Variants in MEGF6 observed in about 807,000 individuals in gnomAD.
MEGF6 encodes multiple EGF like domains 6, also known as multiple epidermal growth factor-like domains protein 6.
In MEGF6, 184 loss-of-function variants were observed where a neutral mutation model predicts 207.1. The ratio of observed to expected loss-of-function variants is 0.89; its 90% CI spans 0.79 to 1.00. The LOEUF (loss-of-function observed/expected upper bound fraction) is 1.00, where lower values mean the gene tolerates loss of function less well. Among genes scored for constraint, MEGF6 ranks in the 50% least tolerant of loss-of-function variants. The probability of loss-of-function intolerance (pLI) is 0.00; values close to 1 mark genes in which losing one functional copy is unlikely to be tolerated. For missense variants in MEGF6, 2,282 were observed against 2,202.9 expected, an observed-to-expected ratio of 1.04 and a Z score of -0.72; for synonymous variants, 1,038 against 910.0, an observed-to-expected ratio of 1.14 and a Z score of -2.53.
chr1:3,500,908 TC>T, intron 20 of MEGF6, 57 bp downstream of exon 20: 1 of 1,609,230 alleles, frequency 6.2e-7, no homozygotes, highest in Non-Finnish European at 8.5e-7. Context: ...CAGAGGCCTC[TC>T]CAGGGGCTAG....
At chr1:3,511,973 G>T in intron 8 of MEGF6, 33 bp downstream of exon 8, 2 of 1,611,136 alleles carry the variant, frequency 1.2e-6, no homozygotes, top group Non-Finnish European at 1.7e-6. Context: ...GCCATCCCGG[G>T]CACCTTCAGC....
intron 1 of MEGF6, among the ~76,000 whole-genome samples, chr1:3,609,290 C>T (rs1000920614): frequency 2.6e-5 from 4 of 152,220 alleles, no homozygotes; most frequent in African/African-American, 4.8e-5. Flanking sequence ...CACTCCACAG[C>T]CCAGTGGGGA....
At chr1:3,527,698 C>T (rs1570059550) in intron 4 of MEGF6, among the ~76,000 whole-genome samples, 1 of 152,240 alleles carries the variant, frequency 6.6e-6, no homozygotes, top group Non-Finnish European at 1.5e-5. Flanking sequence ...CAGACTCATG[C>T]CCACTGGGCA....
rs185295184 is a variant in MEGF6 at position 3,563,419 on chromosome 1, T to A, written c.481+16406A>T. 3.9e-5 allele frequency among the ~76,000 whole-genome samples: 6 copies of A among 152,056 alleles called. No homozygotes were observed. The East Asian group carries it at 7.8e-4, about 20-fold the overall frequency. On this transcript the variant is annotated intron_variant, in intron 4 of 36. Transcript: ENST00000356575. ...GACCAGGCCACGCCCCAGCTATAGGTCCGTCCCCTCGTCGTAGCTGGAGTC... is the reference window on the plus strand; with the variant it reads ...GACCAGGCCACGCCCCAGCTATAGGACCGTCCCCTCGTCGTAGCTGGAGTC...
In MEGF6 at chr1:3,505,341, C is replaced by T. The variant is rs764264162; in HGVS notation, c.2055G>A (p.Glu685=). 1.7e-5 allele frequency: 28 copies of T among 1,610,466 alleles called. No individual in the cohort carries two copies. Among genetic ancestry groups the T allele is most frequent in the Admixed American group, 1.3e-4 (8 of 59,676 alleles). The change falls in exon 17 of 37, where the codon GAG becomes GAA. Residue 685 remains glutamate (E), a splice_region_variant and synonymous_variant. Transcript: ENST00000356575. ...CCGGCCCAAAGTAGCCCAGCTCACA[C>T]TCTGCAGGGCGTGAGAGAGGGGTGG... The part of the protein sequence containing the change: ...AGFRGERCQA[E]CELGYFGPGC...
At chr1:3,598,679 C>T (rs1387093054) in intron 2 of MEGF6, among the ~76,000 whole-genome samples, 1 of 149,772 alleles carries the variant, frequency 6.7e-6, no homozygotes, top group Non-Finnish European at 1.5e-5. Flanking sequence ...CGCTGGGGAG[C>T]TGGTTCACGC....
At chr1:3,505,186 GC>G in intron 17 of MEGF6, 21 bp downstream of exon 17, 1 of 1,608,396 alleles carries the variant, frequency 6.2e-7, no homozygotes, top group East Asian at 2.2e-5. Flanking sequence ...ACTGCCGGGA[GC>G]CCCAGGGGCC....
At chr1:3,549,784 C>T (rs557079996) in intron 4 of MEGF6, among the ~76,000 whole-genome samples, 14 of 152,230 alleles carry the variant, frequency 9.2e-5, no homozygotes, top group Non-Finnish European at 1.6e-4. Context: ...CCAGCCTTCC[C>T]GTACAAGGTG....
intron 4 of MEGF6, among the ~76,000 whole-genome samples, chr1:3,532,776 A>G (rs1045924919): frequency 1.3e-5 from 2 of 152,220 alleles, no homozygotes; most frequent in African/African-American, 4.8e-5. Context: ...AGCCTAGGTC[A>G]GGAGCATAGC....
intron 5 of MEGF6, among the ~76,000 whole-genome samples, chr1:3,517,772 G>A (rs987097517): frequency 6.6e-6 from 1 of 152,226 alleles, no homozygotes. Flanking sequence ...ACGTGGACTG[G>A]GGATTTGCCT....
At chr1:3,531,033 G>A in intron 4 of MEGF6, 2 of 1,440,098 alleles carry the variant, frequency 1.4e-6, no homozygotes, top group Non-Finnish European at 1.8e-6. Context: ...GCGCGCCGGG[G>A]AGCGCCCTGG....
chr1:3,567,807 G>A (rs912216875), intron 4 of MEGF6, among the ~76,000 whole-genome samples: 6 of 152,208 alleles, frequency 3.9e-5, no homozygotes, highest in Non-Finnish European at 7.4e-5. Context: ...GGTGCAGGCA[G>A]GACAGGCCTG....
chr1:3,494,794 CT>C (rs1418736636), intron 30 of MEGF6, 53 bp from the exon 31 acceptor site: 1 of 1,491,194 alleles, frequency 6.7e-7, no homozygotes. Flanking sequence ...GCTGGGCTCC[CT>C]CTGGGGATAT....
chr1:3,579,108 G>A (rs10909973), intron 4 of MEGF6, among the ~76,000 whole-genome samples: 17,796 of 152,262 alleles, frequency 0.12, 2,700 homozygotes, highest in African/African-American at 0.35. Flanking sequence ...TCATGCCATC[G>A]GGACGGCCGT....
chr1:3,609,188 G>A (rs2101909073), intron 1 of MEGF6, among the ~76,000 whole-genome samples: 1 of 152,256 alleles, frequency 6.6e-6, no homozygotes, highest in Middle Eastern at 3.4e-3. Flanking sequence ...TGGGGTAAGG[G>A]AGCCAACAGC....
intron 4 of MEGF6, among the ~76,000 whole-genome samples, chr1:3,563,270 A>G (rs905471510): frequency 1.3e-5 from 2 of 151,996 alleles, no homozygotes; most frequent in Non-Finnish European, 1.5e-5. Context: ...TCACTCACAT[A>G]TGGCCACGAC....
intron 4 of MEGF6, among the ~76,000 whole-genome samples, chr1:3,567,513 C>G (rs1643377482): frequency 6.6e-6 from 1 of 151,482 alleles, no homozygotes; most frequent in Non-Finnish European, 1.5e-5. Context: ...CCTCCTGCAC[C>G]CCCAGCATGG....
Position 3,496,019 on chromosome 1 carries a change from C to T in MEGF6, c.3743-1G>A, listed in dbSNP as rs1384746901. 2 of 1,515,406 alleles carry T rather than the reference C, an allele frequency of 1.3e-6. No homozygotes were observed. Among genetic ancestry groups the T allele is most frequent in the East Asian group, 4.7e-5 (2 of 42,236 alleles). The allele number at this position is 1,515,406 out of a possible 1,614,324, so 93.9% of individuals were successfully genotyped here. ...GGGCCGAAGCGGCCCTGCGGACAGGCTGCCGGGGAGGAAGTGGTGATCGTG... is the reference window on the plus strand; with the variant it reads ...GGGCCGAAGCGGCCCTGCGGACAGGTTGCCGGGGAGGAAGTGGTGATCGTG... On this transcript the variant is annotated splice_acceptor_variant, in intron 29 of 36. Transcript: ENST00000356575. LOFTEE classifies it high-confidence loss of function.
chr1:3,540,298 C>T (rs997072509), intron 4 of MEGF6, among the ~76,000 whole-genome samples: 5 of 152,238 alleles, frequency 3.3e-5, no homozygotes, highest in African/African-American at 7.2e-5. Flanking sequence ...TGACCACAGA[C>T]GCCCTGTCGG....
Sources: allele counts gnomAD v4.1 joint callset (sites outside exome capture counted in the v4.1 genomes callset), GRCh38; gene constraint gnomAD v4.1.1; transcripts MANE v1.5; gene names NCBI Gene and HGNC (gene_info 2026-07-23, HGNC 2026-07-21).